The following EPHA6 variants were observed in gnomAD, a reference collection of about 807,000 sequenced individuals.
EPHA6 encodes the protein ephrin type-A receptor 6.
A neutral mutation model predicts 112.0 loss-of-function variants in EPHA6; 50 were observed. That is an observed-to-expected ratio of 0.45 (90% confidence interval 0.36 to 0.56). The LOEUF is 0.56. Ranked by LOEUF, EPHA6 falls within the 20% of genes least tolerant of loss-of-function variation. The pLI, the probability that EPHA6 is intolerant of heterozygous loss-of-function variation, is 0.00. For missense variants in EPHA6, 1,280 were observed against 1,417.4 expected, an observed-to-expected ratio of 0.90 and a Z score of 1.56; for synonymous variants, 529 against 490.7, an observed-to-expected ratio of 1.08 and a Z score of -1.03.
In EPHA6 at chr3:97,244,163, G is replaced by T; in HGVS notation, c.1482G>T (p.Val494=). 6.2e-7 allele frequency: 1 copy of T among 1,613,128 alleles called. No homozygotes were observed. Among genetic ancestry groups the T allele is most frequent in the Non-Finnish European group, 8.5e-7 (1 of 1,179,370 alleles). The change falls in exon 5 of 18, where the codon GTG becomes GTT. Residue 494 remains valine, a synonymous_variant. Coordinates refer to ENST00000389672, the MANE Select transcript of EPHA6 (RefSeq NM_001080448.3). ...ATACAGGCCTGATCAACAATTCCGT[G>T]ATAGTACTTGACTTTGTGTCTCACG... is the stretch of plus-strand genomic sequence containing the variant. ...PRHTGLINNS[V]IVLDFVSHVN...
intron 11 of EPHA6, among the ~76,000 whole-genome samples, chr3:97,560,999 G>GGCA (rs2093181876): frequency 6.6e-6 from 1 of 151,916 alleles, no homozygotes; most frequent in Non-Finnish European, 1.5e-5. Context: ...TATTATAACA[G>GGCA]TTTTGGGATG....
At chr3:97,525,235 A>G (rs1330006057) in intron 10 of EPHA6, among the ~76,000 whole-genome samples, 1 of 151,788 alleles carries the variant, frequency 6.6e-6, no homozygotes, top group African/African-American at 2.4e-5. Context: ...TCTTTCTTCA[A>G]ATTCACAATT....
chr3:97,401,118 A>G (rs945508509), intron 5 of EPHA6, among the ~76,000 whole-genome samples: 1 of 151,754 alleles, frequency 6.6e-6, no homozygotes, highest in African/African-American at 2.4e-5. Context: ...TAGAAAGTCT[A>G]TATAATGAAG....
chr3:97,077,711 A>G (rs1301038875), intron 3 of EPHA6, among the ~76,000 whole-genome samples: 1 of 152,160 alleles, frequency 6.6e-6, no homozygotes, highest in East Asian at 1.9e-4. Context: ...TGTCCCTGCA[A>G]AGGACATGAA....
At chr3:97,009,882 C>T in intron 3 of EPHA6, 1 of 427,306 alleles carries the variant, frequency 2.3e-6, no homozygotes, top group South Asian at 1.7e-5. Flanking sequence ...CCACACCACT[C>T]TGCTCTTCCT....
chr3:97,044,486 A>G (rs944522962), intron 3 of EPHA6, among the ~76,000 whole-genome samples: 2 of 152,158 alleles, frequency 1.3e-5, no homozygotes, highest in African/African-American at 4.8e-5. Context: ...TTAAGGTGAA[A>G]CATCTGATAA....
At chr3:97,085,745 G>T (rs1489552271) in intron 3 of EPHA6, among the ~76,000 whole-genome samples, 4 of 151,548 alleles carry the variant, frequency 2.6e-5, no homozygotes, top group Admixed American at 6.6e-5. Context: ...TTTATCTTAG[G>T]GCTGAGAAAT....
intron 11 of EPHA6, among the ~76,000 whole-genome samples, chr3:97,533,923 T>C (rs2092725736): frequency 6.6e-6 from 1 of 152,126 alleles, no homozygotes; most frequent in Non-Finnish European, 1.5e-5. Flanking sequence ...ATAGCTGTGG[T>C]TGACATCTTG....
intron 5 of EPHA6, among the ~76,000 whole-genome samples, chr3:97,378,749 C>T (rs536795247): frequency 1.3e-5 from 2 of 152,102 alleles, no homozygotes; most frequent in African/African-American, 2.4e-5. Context: ...CCTTGTAACC[C>T]ATTTGTTTTG....
At chr3:96,956,681 A>G (rs1056450612) in intron 2 of EPHA6, among the ~76,000 whole-genome samples, 2 of 152,302 alleles carry the variant, frequency 1.3e-5, no homozygotes, top group South Asian at 4.1e-4. Context: ...AAAATTTAAT[A>G]AAAAGAGAAA....
At chr3:96,939,386 A>T (rs2040801657) in intron 2 of EPHA6, among the ~76,000 whole-genome samples, 2 of 152,110 alleles carry the variant, frequency 1.3e-5, no homozygotes, top group African/African-American at 4.8e-5. Context: ...TTTCTAGTTT[A>T]TTTGCGTAGA....
intron 14 of EPHA6, among the ~76,000 whole-genome samples, chr3:97,655,529 G>A (rs1005804319): frequency 1.3e-5 from 2 of 151,946 alleles, no homozygotes; most frequent in South Asian, 2.1e-4. Context: ...GTCTATCATC[G>A]TTGGACATTT....
chr3:96,921,938 T>C (rs886165200), intron 2 of EPHA6, among the ~76,000 whole-genome samples: 2 of 152,118 alleles, frequency 1.3e-5, no homozygotes, highest in African/African-American at 4.8e-5. Flanking sequence ...ATGGGGCTGA[T>C]GTGACAATTT....
At chr3:97,082,677 T>C (rs553999015) in intron 3 of EPHA6, among the ~76,000 whole-genome samples, 14 of 152,038 alleles carry the variant, frequency 9.2e-5, no homozygotes, top group Non-Finnish European at 1.8e-4. Context: ...ATTTAGGATC[T>C]GCCAGTCTCT....
At chr3:97,354,235 C>A (rs147699911) in intron 5 of EPHA6, among the ~76,000 whole-genome samples, 2 of 152,162 alleles carry the variant, frequency 1.3e-5, no homozygotes, top group Middle Eastern at 6.8e-3. Flanking sequence ...GCCCAAACAT[C>A]GATGAACATC....
chr3:97,567,057 A>G (rs1204987592), intron 11 of EPHA6, among the ~76,000 whole-genome samples: 1 of 152,198 alleles, frequency 6.6e-6, no homozygotes, highest in Non-Finnish European at 1.5e-5. Flanking sequence ...GACCACAGCA[A>G]AAGCAGATGT....
chr3:97,220,456 A>G (rs1292029773), intron 3 of EPHA6, among the ~76,000 whole-genome samples: 1 of 152,212 alleles, frequency 6.6e-6, no homozygotes, highest in Non-Finnish European at 1.5e-5. Flanking sequence ...GTAATTTATA[A>G]AGGAAAGAGG....
At chr3:96,823,463 T>G (rs2033424015) in intron 1 of EPHA6, among the ~76,000 whole-genome samples, 1 of 151,772 alleles carries the variant, frequency 6.6e-6, no homozygotes, top group Non-Finnish European at 1.5e-5. Context: ...TGTCCATTGC[T>G]GACAAACAAT....
chr3:97,466,256 G>T (rs760961253), intron 7 of EPHA6: 1 of 1,093,214 alleles, frequency 9.1e-7, no homozygotes, highest in East Asian at 2.4e-5. Flanking sequence ...AAAATCAAAA[G>T]ATGACAGTAA....
Sources: gnomAD v4.1 joint callset for allele counts (sites outside exome capture counted in the v4.1 genomes callset) on GRCh38, gnomAD v4.1.1 for gene constraint, MANE v1.5 for transcripts, NCBI Gene and HGNC (gene_info 2026-07-23, HGNC 2026-07-21) for gene names.